The following LSAMP variants were observed in gnomAD, a reference collection of about 807,000 sequenced individuals.
LSAMP encodes the protein limbic system associated membrane protein.
In LSAMP, 7 loss-of-function variants were observed where a neutral mutation model predicts 38.6. That is an observed-to-expected ratio of 0.18 (90% CI 0.10 to 0.34). The LOEUF is 0.34. LSAMP is among the 10% of genes least tolerant of loss of function. The pLI is 1.00. For synonymous variants in LSAMP, 154 were observed against 166.8 expected, an observed-to-expected ratio of 0.92 and a Z score of 0.59; for missense variants, 313 against 420.0, an observed-to-expected ratio of 0.75 and a Z score of 2.23.
chr3:116,057,945 A>C (rs1011767276), intron 2 of LSAMP, among the ~76,000 whole-genome samples: 2 of 106,100 alleles, frequency 1.9e-5, no homozygotes, highest in Non-Finnish European at 4.2e-5. Flanking sequence ...ACACACACAC[A>C]CACACACACA....
chr3:115,954,892 C>G (rs1938403500), intron 3 of LSAMP, among the ~76,000 whole-genome samples: 1 of 151,990 alleles, frequency 6.6e-6, no homozygotes, highest in Non-Finnish European at 1.5e-5. Flanking sequence ...GCCAGGCTTT[C>G]TGTGCTTGAA....
chr3:115,952,057 C>A (rs1384282327), intron 3 of LSAMP, among the ~76,000 whole-genome samples: 8 of 151,938 alleles, frequency 5.3e-5, no homozygotes, highest in African/African-American at 1.7e-4. Context: ...ATTTAAAAAT[C>A]AAAAAATAAC....
chr3:115,930,002 G>GTTGTTTTT (rs1937554802), intron 3 of LSAMP, among the ~76,000 whole-genome samples: 1 of 80,292 alleles, frequency 1.2e-5, no homozygotes, highest in African/African-American at 4.8e-5. Flanking sequence ...TTTAGCAGAA[G>GTTGTTTTT]TTTTTTTTTT....
At chr3:116,259,396 G>T (rs1300747947) in intron 1 of LSAMP, among the ~76,000 whole-genome samples, 1 of 152,080 alleles carries the variant, frequency 6.6e-6, no homozygotes, top group African/African-American at 2.4e-5. Context: ...GCTATACTTT[G>T]TTCATAAATG....
rs1933573914 is a variant in LSAMP at position 115,803,939 on chromosome 3, T to C, written c.*6378A>G. On this transcript the variant is annotated 3_prime_UTR_variant, in exon 7 of 7. Transcript: ENST00000490035. ...CCTTTCTTATGCACAATGTCCTCAT[T>C]TGTTACATGCATAATACCCAGTCTG... 1 of 152,210 alleles carries C rather than the reference T, an allele frequency of 6.6e-6. No homozygotes were observed. The highest frequency in any genetic ancestry group is 2.1e-4 in the South Asian group (1 of 4,830). The allele number at this position is 152,210 out of a possible 1,614,324, so 9.4% of individuals were successfully genotyped here.
intron 1 of LSAMP, among the ~76,000 whole-genome samples, chr3:116,395,906 T>A (rs1369936146): frequency 1.3e-5 from 2 of 152,214 alleles, no homozygotes; most frequent in African/African-American, 4.8e-5. Flanking sequence ...AAAAATGATA[T>A]GACAGCTTCA....
chr3:116,044,331 T>C (rs1194564605), intron 2 of LSAMP, among the ~76,000 whole-genome samples: 1 of 152,224 alleles, frequency 6.6e-6, no homozygotes, highest in Admixed American at 6.5e-5. Flanking sequence ...CTACCTTTCT[T>C]TTTTGTTTGT....
At chr3:116,101,461 C>T (rs1255471353) in intron 1 of LSAMP, among the ~76,000 whole-genome samples, 2 of 152,128 alleles carry the variant, frequency 1.3e-5, no homozygotes, top group African/African-American at 4.8e-5. Context: ...ATATTCATTA[C>T]ATGTGATGTT....
intron 2 of LSAMP, among the ~76,000 whole-genome samples, chr3:116,051,404 A>G (rs1016881496): frequency 1.3e-5 from 2 of 152,196 alleles, no homozygotes; most frequent in Non-Finnish European, 2.9e-5. Flanking sequence ...TTGCAGCACA[A>G]ATCTCCCTTT....
intron 1 of LSAMP, among the ~76,000 whole-genome samples, chr3:116,189,140 A>G (rs1430329808): frequency 6.6e-6 from 1 of 152,234 alleles, no homozygotes; most frequent in Non-Finnish European, 1.5e-5. Flanking sequence ...CTATGAACAA[A>G]AAGTGGATAA....
intron 3 of LSAMP, among the ~76,000 whole-genome samples, chr3:115,948,312 C>T (rs1489507344): frequency 6.6e-6 from 1 of 152,158 alleles, no homozygotes; most frequent in Non-Finnish European, 1.5e-5. Context: ...TTCTACCCAA[C>T]AACTGCAGAA....
At chr3:116,133,529 C>T (rs1227347315) in intron 1 of LSAMP, among the ~76,000 whole-genome samples, 1 of 151,964 alleles carries the variant, frequency 6.6e-6, no homozygotes, top group Non-Finnish European at 1.5e-5. Flanking sequence ...CCTAGGCTGG[C>T]TTTGAACTCC....
At chr3:116,245,614 T>A (rs935136184) in intron 1 of LSAMP, among the ~76,000 whole-genome samples, 9 of 152,332 alleles carry the variant, frequency 5.9e-5, no homozygotes, top group South Asian at 4.1e-4. Context: ...CATCCTAGTA[T>A]GTATTGTTCC....
At chr3:116,144,357 T>C (rs1920365) in intron 1 of LSAMP, among the ~76,000 whole-genome samples, 1 of 151,620 alleles carries the variant, frequency 6.6e-6, no homozygotes, top group African/African-American at 2.4e-5. Context: ...ACCTTGTCAC[T>C]ACAAAAAATT....
At chr3:115,874,914 A>C (rs1936142013) in intron 3 of LSAMP, among the ~76,000 whole-genome samples, 1 of 152,150 alleles carries the variant, frequency 6.6e-6, no homozygotes, top group Non-Finnish European at 1.5e-5. Context: ...TACTTTAAAA[A>C]AAAAAAGAGA....
chr3:116,296,568 G>A (rs904840805), intron 1 of LSAMP, among the ~76,000 whole-genome samples: 1 of 151,696 alleles, frequency 6.6e-6, no homozygotes, highest in Non-Finnish European at 1.5e-5. Context: ...CGTGGCGGGC[G>A]CCCGTAGTCC....
chr3:116,128,618 T>C (rs1709059733), intron 1 of LSAMP, among the ~76,000 whole-genome samples: 1 of 152,236 alleles, frequency 6.6e-6, no homozygotes, highest in African/African-American at 2.4e-5. Flanking sequence ...TCACTTGTAT[T>C]GCACATTGGG....
At position 115,810,249 on chromosome 3, in the gene LSAMP, C is replaced by T. The variant is rs576074730; in HGVS notation, c.*68G>A. ...TCTCTCTCTCTCTCTCTCTCTGTCTCTCTCTCTCTGTATTCTGTGTGACGC... is the reference window on the plus strand; with the variant it reads ...TCTCTCTCTCTCTCTCTCTCTGTCTTTCTCTCTCTGTATTCTGTGTGACGC... On this transcript the variant is annotated 3_prime_UTR_variant, in exon 7 of 7. Coordinates refer to ENST00000490035, the MANE Select transcript of LSAMP (RefSeq NM_002338.5). 9.0e-7 allele frequency: 1 copy of T among 1,115,044 alleles called. No homozygotes were observed. Among genetic ancestry groups the T allele is most frequent in the African/African-American group, 1.6e-5 (1 of 63,896 alleles). The allele number at this position is 1,115,044 out of a possible 1,614,324, so 69.1% of individuals were successfully genotyped here.
chr3:116,214,788 T>A lies in LSAMP; in HGVS notation c.156-128232A>T, dbSNP rs561469646. Among the ~76,000 whole-genome samples the A allele has an allele frequency of 2.6e-5, 4 of 152,102 alleles. No homozygotes were observed. The South Asian group carries it at 8.3e-4, about 32-fold the overall frequency. On this transcript the variant is annotated intron_variant, in intron 1 of 6. Coordinates refer to ENST00000490035, the MANE Select transcript of LSAMP (RefSeq NM_002338.5). ...AAAGTGCTGGAATTACAGGTGTGAG[T>A]CACCACACCCAGCCAGGATGGGTCC... is the stretch of plus-strand genomic sequence containing the variant.
Sources: allele counts gnomAD v4.1 joint callset (sites outside exome capture counted in the v4.1 genomes callset), GRCh38; gene constraint gnomAD v4.1.1; transcripts MANE v1.5; gene names NCBI Gene and HGNC (gene_info 2026-07-23, HGNC 2026-07-21).